OSBPL9: variants seen among roughly 807,000 people sequenced by gnomAD.
The protein encoded by OSBPL9 is oxysterol-binding protein-related protein 9.
Under a neutral mutation model 106.6 loss-of-function variants are expected in OSBPL9, and 40 were observed. The observed-to-expected ratio is 0.38, with a 90% confidence interval of 0.29 to 0.49. The LOEUF (loss-of-function observed/expected upper bound fraction) is 0.49. Ranked by LOEUF, OSBPL9 falls within the 20% of genes least tolerant of loss-of-function variation. The pLI is 0.97. For missense variants in OSBPL9, 609 were observed against 887.2 expected, an observed-to-expected ratio of 0.69 and a Z score of 3.98; for synonymous variants, 269 against 295.4, an observed-to-expected ratio of 0.91 and a Z score of 0.92.
chr1:51,576,504 C>T (rs1374332024), upstream of OSBPL9, among the ~76,000 whole-genome samples: 3 of 152,052 alleles, frequency 2.0e-5, no homozygotes, highest in Admixed American at 2.0e-4. Context: ...TTTTTGCTTT[C>T]TGTTTTTAGG....
chr1:51,667,663 C>T (rs1312111975), intron 2 of OSBPL9, among the ~76,000 whole-genome samples: 1 of 152,186 alleles, frequency 6.6e-6, no homozygotes, highest in East Asian at 1.9e-4. Flanking sequence ...AGTTATGGCT[C>T]AGGAAATATT....
In OSBPL9 at chr1:51,788,845, T is replaced by C. The variant is rs951660279; in HGVS notation, c.*1056T>C. On this transcript the variant is annotated 3_prime_UTR_variant, in exon 24 of 24. Coordinates refer to ENST00000428468, the MANE Select transcript of OSBPL9 (RefSeq NM_024586.6). Reference sequence around the variant, plus strand: ...GAAGGGAAATACAGAACTATATCTATCTATCTATCTATCATCTTTTTTATT... The same window carrying C: ...GAAGGGAAATACAGAACTATATCTACCTATCTATCTATCATCTTTTTTATT... 7.4e-5 allele frequency among the ~76,000 whole-genome samples: 11 copies of C among 148,276 alleles called. No homozygotes were observed. The highest frequency in any genetic ancestry group is 7.3e-4 in the Admixed American group (11 of 15,172).
At chr1:51,549,914 A>G in the OSBPL9 span, among the ~76,000 whole-genome samples, 1 of 152,202 alleles carries the variant, frequency 6.6e-6, no homozygotes, top group South Asian at 2.1e-4. Flanking sequence ...TGTATTCAAT[A>G]GTAATAGATA....
intron 12 of OSBPL9, among the ~76,000 whole-genome samples, chr1:51,770,277 G>A (rs1434365162): frequency 1.3e-5 from 2 of 152,076 alleles, no homozygotes; most frequent in Non-Finnish European, 2.9e-5. Flanking sequence ...AAGTAGCTGG[G>A]ACTACAGGCG....
intron 4 of OSBPL9, among the ~76,000 whole-genome samples, chr1:51,721,468 C>T (rs544886827): frequency 2.0e-5 from 3 of 152,090 alleles, no homozygotes; most frequent in East Asian, 3.9e-4. Context: ...GCCCAACTTT[C>T]GTTATAGATT....
the OSBPL9 span, among the ~76,000 whole-genome samples, chr1:51,559,823 G>A: frequency 2.6e-5 from 4 of 152,046 alleles, no homozygotes; most frequent in African/African-American, 7.2e-5. Context: ...TTTACAAGAT[G>A]TAGAAAGTTC....
chr1:51,748,814 G>A (rs530904686), intron 7 of OSBPL9, among the ~76,000 whole-genome samples: 7 of 152,182 alleles, frequency 4.6e-5, no homozygotes, highest in South Asian at 2.1e-4. Flanking sequence ...GGCCGGGCGC[G>A]GTGGCTCACA....
At chr1:51,786,068 C>T in intron 21 of OSBPL9, 182 bp downstream of exon 21, 1 of 591,524 alleles carries the variant, frequency 1.7e-6, no homozygotes, top group Non-Finnish European at 3.0e-6. Flanking sequence ...TCTTTCCTTC[C>T]CCCACCTTCT....
intron 4 of OSBPL9, among the ~76,000 whole-genome samples, chr1:51,742,440 G>A (rs1236154565): frequency 6.6e-6 from 1 of 152,082 alleles, no homozygotes; most frequent in Non-Finnish European, 1.5e-5. Flanking sequence ...TCGGCCGGGC[G>A]CATTGGCCCA....
chr1:51,682,541 C>A (rs577083029), intron 3 of OSBPL9, among the ~76,000 whole-genome samples: 1 of 151,934 alleles, frequency 6.6e-6, no homozygotes, highest in African/African-American at 2.4e-5. Flanking sequence ...AGGCAGATCA[C>A]GAGGTCAGGA....
At chr1:51,558,390 G>A in the OSBPL9 span, among the ~76,000 whole-genome samples, 3 of 152,068 alleles carry the variant, frequency 2.0e-5, no homozygotes, top group Non-Finnish European at 4.4e-5. Context: ...TTATGACTCA[G>A]GAGTCATGCA....
rs368928790 is a variant in OSBPL9, at chr1:51,587,240, C to A, written c.-423+9984C>A. ...ATTAGCTAGGCGTGGTGGCATGTGC[C>A]TGTGCTTCCAGCTCCTCAGGAGGCT... On this transcript the variant is annotated intron_variant, in intron 1 of 25. Coordinates refer to the OSBPL9 transcript ENST00000371714. 3.9e-5 allele frequency among the ~76,000 whole-genome samples: 6 copies of A among 152,336 alleles called. No homozygotes were observed. In the East Asian group the frequency reaches 1.2e-3, roughly 29 times the overall value.
intron 3 of OSBPL9, among the ~76,000 whole-genome samples, chr1:51,696,539 G>A (rs1010514989): frequency 2.6e-5 from 4 of 152,136 alleles, no homozygotes; most frequent in Non-Finnish European, 1.5e-5. Flanking sequence ...CTTTCTGCAC[G>A]TAAGATAATG....
chr1:51,724,369 C>T (rs371040207), intron 4 of OSBPL9, among the ~76,000 whole-genome samples: 45 of 152,224 alleles, frequency 3.0e-4, no homozygotes, highest in African/African-American at 9.9e-4. Flanking sequence ...CTGCCACCTC[C>T]GCCTCCTGGG....
chr1:51,551,107 A>G, the OSBPL9 span, among the ~76,000 whole-genome samples: 1 of 152,208 alleles, frequency 6.6e-6, no homozygotes, highest in Non-Finnish European at 1.5e-5. Context: ...GAGCAAAGGG[A>G]GCGGGATGGA....
Position 51,765,650 on chromosome 1 carries a change from T to G in OSBPL9, c.779-172T>G, listed in dbSNP as rs563206416. 23 of 508,632 alleles carry G rather than the reference T, an allele frequency of 4.5e-5. 1 individual carries two copies. The South Asian group carries it at 8.2e-4, about 18-fold the overall frequency. The allele number at this position is 508,632 out of a possible 1,614,324, so 31.5% of individuals were successfully genotyped here. A position where few individuals can be genotyped will look rare whatever the true frequency, so the allele number is the denominator to read the frequency against. On this transcript the variant is annotated intron_variant, in intron 11 of 23. Coordinates refer to ENST00000428468, the MANE Select transcript of OSBPL9 (RefSeq NM_024586.6). ...CTGTGTCCTCATTTTATATCATGAT[T>G]TGCCATTTTCTGTGTGGAGTTTAAA...
intron 15 of OSBPL9, among the ~76,000 whole-genome samples, chr1:51,780,172 TAC>T (rs1210371134): frequency 2.1e-5 from 3 of 145,766 alleles, no homozygotes; most frequent in African/African-American, 7.6e-5. Flanking sequence ...AATGCAATAA[TAC>T]CACCTTACTC....
At chr1:51,538,088 C>T in the OSBPL9 span, among the ~76,000 whole-genome samples, 16 of 152,038 alleles carry the variant, frequency 1.1e-4, no homozygotes, top group East Asian at 9.8e-4. Flanking sequence ...GTCAGGAGTT[C>T]GAGGCCAGCC....
chr1:51,590,290 G>T (rs1557577415), intron 1 of OSBPL9, among the ~76,000 whole-genome samples: 1 of 151,818 alleles, frequency 6.6e-6, no homozygotes, highest in Non-Finnish European at 1.5e-5. Flanking sequence ...GATGATAGTG[G>T]CTTGGGCTAG....
Sources: gnomAD v4.1 joint callset for allele counts (sites outside exome capture counted in the v4.1 genomes callset) on GRCh38, gnomAD v4.1.1 for gene constraint, MANE v1.5 for transcripts, NCBI Gene and HGNC (gene_info 2026-07-23, HGNC 2026-07-21) for gene names.